Variants in COA7 observed in about 807,000 individuals in gnomAD.
COA7 encodes the protein cytochrome c oxidase assembly factor 7, also known as Sel1 repeat containing 1.
Under a neutral mutation model 21.0 loss-of-function variants are expected in COA7, and 12 were observed. That is an observed-to-expected ratio of 0.57 (90% CI 0.37 to 0.92). The LOEUF is 0.92. Among genes scored for constraint, COA7 ranks in the 40% least tolerant of loss-of-function variants. COA7 has a pLI of 0.01. For synonymous variants in COA7, 95 were observed against 107.4 expected (o/e 0.88, Z 0.72); for missense variants, 240 against 286.1 (o/e 0.84, Z 1.16).
At chr1:52,694,498 C>G (rs915800960) in intron 1 of COA7, among the ~76,000 whole-genome samples, 1 of 148,440 alleles carries the variant, frequency 6.7e-6, no homozygotes, top group African/African-American at 2.5e-5. Flanking sequence ...ACTTCACAAC[C>G]AGGCAATATA....
intron 2 of COA7, among the ~76,000 whole-genome samples, chr1:52,691,581 C>A (rs1199381693): frequency 6.7e-6 from 1 of 150,358 alleles, no homozygotes; most frequent in South Asian, 2.1e-4. Context: ...AAGTGATTCT[C>A]CTGCCTCAGC....
intron 2 of COA7, among the ~76,000 whole-genome samples, chr1:52,691,458 ATG>A (rs1479718803): frequency 2.9e-5 from 4 of 139,956 alleles, no homozygotes; most frequent in African/African-American, 8.1e-5. Context: ...TTACTTATTT[ATG>A]TGTGTGTGTG....
intron 1 of COA7, among the ~76,000 whole-genome samples, chr1:52,694,462 A>T: frequency 9.3e-6 from 1 of 107,966 alleles, no homozygotes; most frequent in South Asian, 2.8e-4. Context: ...CTCCATCTCG[A>T]AAAAAAAAAA....
At chr1:52,689,900 G>A (rs1644031858) in intron 2 of COA7, among the ~76,000 whole-genome samples, 1 of 151,908 alleles carries the variant, frequency 6.6e-6, no homozygotes, top group Admixed American at 6.6e-5. Context: ...GGTGGCAGGG[G>A]CCTGTAATGC....
At chr1:52,689,435 T>G (rs1644028460) in intron 2 of COA7, among the ~76,000 whole-genome samples, 1 of 151,746 alleles carries the variant, frequency 6.6e-6, no homozygotes, top group Non-Finnish European at 1.5e-5. Flanking sequence ...ATTACAGGCG[T>G]GAGCCACTTC....
intron 2 of COA7, 53 bp from the exon 3 acceptor site, chr1:52,688,221 A>C: frequency 6.9e-7 from 1 of 1,457,142 alleles, no homozygotes; most frequent in Non-Finnish European, 9.3e-7. Flanking sequence ...CACAACCTAA[A>C]TGTCTCAGGC....
chr1:52,692,507 C>G (rs1359981220), intron 2 of COA7, among the ~76,000 whole-genome samples: 1 of 152,202 alleles, frequency 6.6e-6, no homozygotes, highest in Non-Finnish European at 1.5e-5. Context: ...GTGATTGGCT[C>G]AAGGTCCCAC....
rs1406320251 is a variant in COA7 at position 52,687,789 on chromosome 1, C to T, written c.627G>A (p.Val209=). The T allele has an allele frequency of 1.2e-6, 2 of 1,614,128 alleles. No individual in the cohort carries two copies. The highest frequency in any genetic ancestry group is 1.3e-5 in the African/African-American group (1 of 74,948). Residue 209 remains valine (V), a synonymous_variant, in exon 3 of 3, where the codon GTG becomes GTA. Transcript: ENST00000371538. ...GVDKDEAKAE[V]LKNRAQQLHK... The stretch of plus-strand genomic sequence containing the variant: ...GTAGCTGCTGGGCTCGATTTTTTAG[C>T]ACCTCGGCCTTGGCCTCATCCTTAT...
At position 52,688,023 on chromosome 1, in the gene COA7, C is replaced by G; in HGVS notation, c.393G>C (p.Leu131Phe). ...TTGTGTAGTAGTCCCTGGCCTTTCC[C>G]AAGTCAGGCTGGCCATCCTCATTAA... ...GQVNEDGQPD[L>F]GKARDYYTRA... The change falls in exon 3 of 3, where the codon TTG becomes TTC. Residue 131 changes from leucine (L) to phenylalanine (F), a missense_variant. Leu to Phe is a conservative substitution (Grantham distance 22, BLOSUM62 0). This residue lies in a region of COA7 where 163 missense variants were observed against 214.1 expected (regional missense o/e 0.76). Coordinates refer to ENST00000371538, the MANE Select transcript of COA7 (RefSeq NM_023077.3). 6.2e-7 allele frequency: 1 copy of G among 1,614,154 alleles called. No homozygotes were observed. The highest frequency in any genetic ancestry group is 8.5e-7 in the Non-Finnish European group (1 of 1,180,030).
Position 52,698,242 on chromosome 1 carries a change from A to G in COA7, c.85T>C (p.Tyr29His), listed in dbSNP as rs1253707095. 4 of 1,612,114 alleles carry G rather than the reference A, an allele frequency of 2.5e-6. No homozygotes were observed. Among genetic ancestry groups the G allele is most frequent in the Non-Finnish European group, 3.4e-6 (4 of 1,179,436 alleles). Reference protein sequence around the residue: ...NMEVECNYHCYHEKDPDGCYR... With the variant: ...NMEVECNYHCHHEKDPDGCYR... ...TCACCGTCCGGGTCCTTCTCGTGGT[A>G]GCAGTGGTAGTTGCACTCCACCTCC... The change falls in exon 1 of 3, where the codon TAC becomes CAC. Residue 29 changes from tyrosine (Y) to histidine (H), a missense_variant. Physicochemically the swap from Tyr to His is moderately conservative, Grantham distance 83 (BLOSUM62 2). Coordinates refer to ENST00000371538, the MANE Select transcript of COA7 (RefSeq NM_023077.3).
rs756015523 is a variant in COA7, at chr1:52,698,205, C to T, written c.106+16G>A. The T allele has an allele frequency of 7.4e-5, 117 of 1,582,674 alleles. No homozygotes were observed. Among genetic ancestry groups the T allele is most frequent in the Non-Finnish European group, 1.0e-4 (116 of 1,155,250 alleles). On this transcript the variant is annotated intron_variant, in intron 1 of 2. Transcript: ENST00000371538. Reference sequence around the variant, plus strand: ...CCCTCCCCGACGCGTCGCCGGGCTGCGCTGGAGCCGCTCACCGTCCGGGTC... The same window carrying T: ...CCCTCCCCGACGCGTCGCCGGGCTGTGCTGGAGCCGCTCACCGTCCGGGTC...
intron 1 of COA7, among the ~76,000 whole-genome samples, chr1:52,696,567 C>T (rs1463602283): frequency 1.3e-5 from 2 of 152,098 alleles, no homozygotes; most frequent in African/African-American, 4.8e-5. Context: ...GTCTATGTTA[C>T]GGATTAGCCT....
Position 52,685,646 on chromosome 1 carries a change from ACCTCCACCTCCT to A in COA7, c.*2062_*2073del, listed in dbSNP as rs1255773737. 2 of 151,696 alleles carry A rather than the reference ACCTCCACCTCCT, an allele frequency of 1.3e-5. No homozygotes were observed. The highest frequency in any genetic ancestry group is 2.9e-5 in the Non-Finnish European group (2 of 67,982). 9.4% of individuals were successfully genotyped at this position (151,696 alleles called of 1,614,324 possible). Reference sequence around the variant, plus strand: ...AATGGCATGGTCTTGGCTCACTGCAACCTCCACCTCCTGGGTTCAAGCGATTCTCCTGCCTCA... The same window carrying A: ...AATGGCATGGTCTTGGCTCACTGCAAGGGTTCAAGCGATTCTCCTGCCTCA... On this transcript the variant is annotated 3_prime_UTR_variant, in exon 3 of 3. Coordinates refer to ENST00000371538, the MANE Select transcript of COA7 (RefSeq NM_023077.3).
At position 52,687,979 on chromosome 1, in the gene COA7, T is replaced by C; in HGVS notation, c.437A>G (p.Tyr146Cys). The C allele has an allele frequency of 1.9e-6, 3 of 1,614,178 alleles. No homozygotes were observed. Among genetic ancestry groups the C allele is most frequent in the Non-Finnish European group, 2.5e-6 (3 of 1,180,034 alleles). Residue 146 changes from tyrosine (Y) to cysteine (C), a missense_variant, in exon 3 of 3, where the codon TAT becomes TGT. This residue lies in a region of COA7 where 163 missense variants were observed against 214.1 expected (regional missense o/e 0.76). Coordinates refer to ENST00000371538, the MANE Select transcript of COA7 (RefSeq NM_023077.3). ...ACTGAGGTTGAAGCAACTGGAAGTA[T>C]AGCCACCATCACAGGCCCTTGTGTA... ...DYYTRACDGG[Y>C]TSSCFNLSAM...
chr1:52,687,632 GGTTGACCTTCAAGGGCTGCATCA>G lies in COA7; in HGVS notation c.*65_*87del. ...AGTCCCAAGTTTTTTTGCTCCAGCA[GGTTGACCTTCAAGGGCTGCATCA>G]GTCTTCAGAAACAGGAGCTGCCAGC... is the stretch of plus-strand genomic sequence containing the variant. On this transcript the variant is annotated 3_prime_UTR_variant, in exon 3 of 3. Transcript: ENST00000371538. The G allele has an allele frequency of 1.5e-6, 2 of 1,344,268 alleles. No individual in the cohort carries two copies. The highest frequency in any genetic ancestry group is 2.8e-5 in the South Asian group (2 of 70,314). The allele number at this position is 1,344,268 out of a possible 1,614,324, so 83.3% of individuals were successfully genotyped here.
chr1:52,690,471 G>A (rs940850218), intron 2 of COA7, among the ~76,000 whole-genome samples: 37 of 151,360 alleles, frequency 2.4e-4, no homozygotes, highest in Non-Finnish European at 1.0e-4. Flanking sequence ...AATGCTACTT[G>A]TAAGTAAAAA....
intron 2 of COA7, among the ~76,000 whole-genome samples, chr1:52,691,865 T>A (rs915347209): frequency 6.6e-6 from 1 of 152,150 alleles, no homozygotes; most frequent in Non-Finnish European, 1.5e-5. Flanking sequence ...GTAGGCTACA[T>A]CTAATAAATA....
Position 52,688,292 on chromosome 1 carries a change from G to A in COA7, c.248-124C>T, listed in dbSNP as rs183036324. 3.7e-5 allele frequency: 27 copies of A among 727,216 alleles called. No homozygotes were observed. In the Admixed American group the frequency reaches 6.4e-4, roughly 17 times the overall value. The allele number at this position is 727,216 out of a possible 1,614,324, so 45.0% of individuals were successfully genotyped here. On this transcript the variant is annotated intron_variant, in intron 2 of 2. Coordinates refer to ENST00000371538, the MANE Select transcript of COA7 (RefSeq NM_023077.3). The stretch of plus-strand genomic sequence containing the variant: ...AGGGTCTTGCTTTGTTAACCAGGCT[G>A]GAGTGCACTGGCATGATCACGGCTC...
In COA7 at chr1:52,687,404, A is replaced by AT; in HGVS notation, c.*315dup. The AT allele has an allele frequency of 3.3e-6, 1 of 304,076 alleles. No homozygotes were observed. Among genetic ancestry groups the AT allele is most frequent in the East Asian group, 6.0e-5 (1 of 16,708 alleles). 18.8% of individuals were successfully genotyped at this position (304,076 alleles called of 1,614,324 possible). A position where few individuals can be genotyped will look rare whatever the true frequency, so the allele number is the denominator to read the frequency against. On this transcript the variant is annotated 3_prime_UTR_variant, in exon 3 of 3. Coordinates refer to ENST00000371538, the MANE Select transcript of COA7 (RefSeq NM_023077.3). ...CTCCAGGGCTCTCTAGTTTGCTCCTATTTTTCACAGAGTTGCCAGAGTTTG... is the reference window on the plus strand; with the variant it reads ...CTCCAGGGCTCTCTAGTTTGCTCCTATTTTTTCACAGAGTTGCCAGAGTTTG...
Sources: gnomAD v4.1 joint callset for allele counts (sites outside exome capture counted in the v4.1 genomes callset) on GRCh38, gnomAD v4.1.1 for gene constraint, gnomAD v4.1.1 regional missense constraint, MANE v1.5 for transcripts, NCBI Gene and HGNC (gene_info 2026-07-23, HGNC 2026-07-21) for gene names.